Variants in ACTR3C observed in about 807,000 individuals in gnomAD.
ACTR3C encodes the protein actin-related protein 3C.
A neutral mutation model predicts 26.3 loss-of-function variants in ACTR3C; 18 were observed. The ratio of observed to expected loss-of-function variants is 0.68; its 90% CI spans 0.47 to 1.01. ACTR3C has a LOEUF of 1.01. Among genes scored for constraint, ACTR3C ranks in the 50% least tolerant of loss-of-function variants. ACTR3C has a pLI of 0.00. For synonymous variants in ACTR3C, 55 were observed against 94.5 expected (o/e 0.58, Z 2.42); for missense variants, 184 against 250.7 (o/e 0.73, Z 1.80).
intron 1 of ACTR3C, among the ~76,000 whole-genome samples, chr7:150,312,067 C>T (rs921711812): frequency 3.3e-5 from 5 of 152,202 alleles, no homozygotes; most frequent in East Asian, 1.9e-4. Flanking sequence ...CAGAAACCAA[C>T]GGATCTTATT....
In ACTR3C at chr7:150,250,750, T is replaced by C. The variant is rs1170027158; in HGVS notation, c.565-1696A>G. Among the ~76,000 whole-genome samples the C allele has an allele frequency of 2.6e-5, 4 of 151,786 alleles. No homozygotes were observed. In the East Asian group the frequency reaches 7.7e-4, roughly 29 times the overall value. Reference sequence around the variant, plus strand: ...GAAGTTTGGCTTCAGTGGCCACTAATTGAGGTGAAGAAGACTGCGGGAGAG... The same window carrying C: ...GAAGTTTGGCTTCAGTGGCCACTAACTGAGGTGAAGAAGACTGCGGGAGAG... On this transcript the variant is annotated intron_variant, in intron 6 of 7. Coordinates refer to ENST00000683684, the MANE Select transcript of ACTR3C (RefSeq NM_001164458.2).
At chr7:150,194,293 GTCTTT>G in the ACTR3C span, among the ~76,000 whole-genome samples, 106 of 141,452 alleles carry the variant, frequency 7.5e-4, 1 homozygote, top group Middle Eastern at 3.8e-3. Flanking sequence ...ATATATAAAA[GTCTTT>G]TCTTTTCTAT....
the ACTR3C span, among the ~76,000 whole-genome samples, chr7:150,051,420 C>T: frequency 4.0e-5 from 6 of 149,114 alleles, no homozygotes; most frequent in African/African-American, 1.2e-4. Context: ...AAAGATACCC[C>T]GAAGAGGAGC....
chr7:150,157,519 G>A, the ACTR3C span, among the ~76,000 whole-genome samples: 23 of 151,912 alleles, frequency 1.5e-4, no homozygotes, highest in African/African-American at 5.1e-4. Flanking sequence ...ACCCTCAGCA[G>A]GAAACAGATC....
the ACTR3C span, among the ~76,000 whole-genome samples, chr7:150,184,826 GCT>G: frequency 7.5e-5 from 11 of 146,148 alleles, no homozygotes; most frequent in South Asian, 1.3e-3. Context: ...CAAGGCCACT[GCT>G]CTCTTTCTCT....
the ACTR3C span, among the ~76,000 whole-genome samples, chr7:150,120,812 A>T: frequency 6.6e-6 from 1 of 152,352 alleles, no homozygotes; most frequent in Non-Finnish European, 1.5e-5. Flanking sequence ...AATATCCCTG[A>T]TGAACATTGA....
At chr7:150,010,913 G>C in the ACTR3C span, among the ~76,000 whole-genome samples, 1 of 147,194 alleles carries the variant, frequency 6.8e-6, no homozygotes, top group Non-Finnish European at 1.5e-5. Flanking sequence ...TCCTGCTGCT[G>C]CCACTTTCTT....
At chr7:150,128,800 T>G in the ACTR3C span, among the ~76,000 whole-genome samples, 1 of 152,060 alleles carries the variant, frequency 6.6e-6, no homozygotes, top group African/African-American at 2.4e-5. Flanking sequence ...ACGAATGATG[T>G]GTTTTAGACT....
the ACTR3C span, chr7:149,892,399 C>T: frequency 6.5e-7 from 1 of 1,532,108 alleles, no homozygotes; most frequent in East Asian, 2.4e-5. Context: ...ATGGCAATAC[C>T]TTAAAAAAAC....
At chr7:149,967,739 C>A in the ACTR3C span, among the ~76,000 whole-genome samples, 1 of 152,144 alleles carries the variant, frequency 6.6e-6, no homozygotes, top group Non-Finnish European at 1.5e-5. Flanking sequence ...GAGTGTATTG[C>A]AGGAAATGTT....
chr7:150,046,772 T>A, the ACTR3C span, among the ~76,000 whole-genome samples: 2 of 144,714 alleles, frequency 1.4e-5, no homozygotes, highest in African/African-American at 5.2e-5. Context: ...AACGCATCCA[T>A]CTAAGGTCCG....
At chr7:150,285,166 C>T (rs3095096) in intron 5 of ACTR3C, among the ~76,000 whole-genome samples, 1 of 152,066 alleles carries the variant, frequency 6.6e-6, no homozygotes, top group Non-Finnish European at 1.5e-5. Context: ...GCACGATCTA[C>T]GTGACACGCA....
At chr7:150,172,909 C>T in the ACTR3C span, among the ~76,000 whole-genome samples, 3 of 150,334 alleles carry the variant, frequency 2.0e-5, no homozygotes, top group Non-Finnish European at 2.9e-5. Context: ...CCCTGTCTCA[C>T]ATCCAGGTCA....
the ACTR3C span, among the ~76,000 whole-genome samples, chr7:150,047,361 G>A: frequency 6.6e-6 from 1 of 152,196 alleles, no homozygotes; most frequent in African/African-American, 2.4e-5. Flanking sequence ...AGCAGGCGCA[G>A]TACCCAAACC....
the ACTR3C span, among the ~76,000 whole-genome samples, chr7:149,929,822 C>T: frequency 3.3e-5 from 5 of 152,146 alleles, no homozygotes; most frequent in Admixed American, 3.3e-4. Context: ...TGAGCCACCG[C>T]GCCCAGCCAA....
rs1236606469 is a variant in ACTR3C, at chr7:150,286,405, C to T, written c.433G>A (p.Glu145Lys). The T allele has an allele frequency of 3.1e-6, 5 of 1,613,696 alleles. No individual in the cohort carries two copies. The highest frequency in any genetic ancestry group is 1.1e-5 in the South Asian group (1 of 90,968). ...AATATTTCAGGTCCCAGGAATCTTTCGTAACCAACGTCTATAACAAACTTC... is the reference window on the plus strand; with the variant it reads ...AATATTTCAGGTCCCAGGAATCTTTTGTAACCAACGTCTATAACAAACTTC... ...QKKFVIDVGY[E>K]RFLGPEIFFH... Residue 145 changes from glutamate to lysine, a missense_variant, in exon 5 of 8, where the codon GAA becomes AAA. Physicochemically the swap from Glu to Lys is moderately conservative, Grantham distance 56. Coordinates refer to ENST00000683684, the MANE Select transcript of ACTR3C (RefSeq NM_001164458.2).
chr7:149,955,963 C>T, the ACTR3C span, among the ~76,000 whole-genome samples: 3 of 152,310 alleles, frequency 2.0e-5, no homozygotes, highest in African/African-American at 4.8e-5. Context: ...TTGGAGATTA[C>T]TTAGTGGGGT....
At chr7:150,014,381 G>A in the ACTR3C span, among the ~76,000 whole-genome samples, 10 of 150,588 alleles carry the variant, frequency 6.6e-5, no homozygotes, top group South Asian at 2.1e-4. Context: ...GTGTGAACCC[G>A]GAAGACAGAG....
chr7:150,083,411 C>G, the ACTR3C span, among the ~76,000 whole-genome samples: 1 of 151,924 alleles, frequency 6.6e-6, no homozygotes, highest in African/African-American at 2.4e-5. Flanking sequence ...TACAAAAACT[C>G]AAAAAATTAG....
Sources: gnomAD v4.1 joint callset for allele counts (sites outside exome capture counted in the v4.1 genomes callset) on GRCh38, gnomAD v4.1.1 for gene constraint, MANE v1.5 for transcripts, NCBI Gene and HGNC (gene_info 2026-07-23, HGNC 2026-07-21) for gene names.